POC5: variants seen among roughly 807,000 people sequenced by gnomAD.
POC5 encodes POC5 centriolar protein, also known as centrosomal protein POC5.
POC5 carries 48 observed loss-of-function variants against 62.9 expected under a neutral mutation model. The observed-to-expected ratio is 0.76, with a 90% CI of 0.61 to 0.97. The LOEUF is 0.97. Among genes scored for constraint, POC5 ranks in the 50% least tolerant of loss-of-function variants. The probability of loss-of-function intolerance (pLI) is 0.00; values close to 1 mark genes in which losing one functional copy is unlikely to be tolerated. For synonymous variants in POC5, 236 were observed against 228.2 expected (o/e 1.03, Z -0.31); for missense variants, 696 against 679.5 (o/e 1.02, Z -0.27).
chr5:75,677,621 T>TAAA (rs58777768), intron 11 of POC5, 153 bp downstream of exon 11: 681 of 390,180 alleles, frequency 1.7e-3, no homozygotes, highest in Middle Eastern at 3.6e-3. Context: ...GTATATATAT[T>TAAA]AAAAAAAAAA....
intron 11 of POC5, among the ~76,000 whole-genome samples, chr5:75,675,297 T>C (rs896130028): frequency 1.3e-5 from 2 of 152,218 alleles, no homozygotes; most frequent in African/African-American, 4.8e-5. Flanking sequence ...GGCTTTTCCC[T>C]ATTAAACCCG....
At chr5:75,713,974 C>T (rs1268435277) in intron 1 of POC5, among the ~76,000 whole-genome samples, 2 of 152,178 alleles carry the variant, frequency 1.3e-5, no homozygotes, top group African/African-American at 4.8e-5. Context: ...AAGGTCAAAA[C>T]TTGTCATATT....
chr5:75,715,426 G>A (rs1043248254), intron 1 of POC5, among the ~76,000 whole-genome samples: 1 of 152,076 alleles, frequency 6.6e-6, no homozygotes, highest in Non-Finnish European at 1.5e-5. Context: ...TAAAATCATG[G>A]TAGAAGGGGA....
intron 6 of POC5, among the ~76,000 whole-genome samples, chr5:75,693,683 T>C (rs1374449912): frequency 1.3e-5 from 2 of 152,086 alleles, no homozygotes; most frequent in African/African-American, 2.4e-5. Flanking sequence ...TTTAAAAAAA[T>C]TATAATCTTT....
chr5:75,680,624 G>C (rs569944018), intron 10 of POC5, among the ~76,000 whole-genome samples: 5 of 152,108 alleles, frequency 3.3e-5, no homozygotes, highest in Admixed American at 2.6e-4. Flanking sequence ...TGATGAAAAA[G>C]TTGAAAATGC....
intron 5 of POC5, among the ~76,000 whole-genome samples, 196 bp from the exon 6 acceptor site, chr5:75,695,027 T>C (rs1363620485): frequency 6.6e-6 from 1 of 152,210 alleles, no homozygotes; most frequent in African/African-American, 2.4e-5. Flanking sequence ...TTCATCATAC[T>C]AGGGAAGCTA....
chr5:75,697,741 C>A (rs904024924), intron 5 of POC5, among the ~76,000 whole-genome samples: 6 of 151,836 alleles, frequency 4.0e-5, no homozygotes, highest in Non-Finnish European at 8.8e-5. Flanking sequence ...TGTAAATGGG[C>A]TAAATGCTCC....
intron 1 of POC5, 123 bp from the exon 2 acceptor site, chr5:75,713,074 C>A: frequency 1.4e-6 from 1 of 699,306 alleles, no homozygotes; most frequent in Non-Finnish European, 2.3e-6. Flanking sequence ...TAAAATCATT[C>A]ATTCAACATA....
intron 2 of POC5, among the ~76,000 whole-genome samples, chr5:75,710,626 T>G (rs556880380): frequency 6.6e-6 from 1 of 152,334 alleles, no homozygotes; most frequent in Admixed American, 6.5e-5. Flanking sequence ...CTGACCCTTT[T>G]GGGCTGTGAT....
chr5:75,698,288 C>G (rs568324649), intron 5 of POC5, among the ~76,000 whole-genome samples: 13 of 150,194 alleles, frequency 8.7e-5, no homozygotes, highest in South Asian at 6.5e-4. Context: ...CCACACCACA[C>G]CTATTCCAAA....
In POC5 at chr5:75,677,904, G is replaced by T; in HGVS notation, c.1454C>A (p.Thr485Asn). Reference sequence around the variant, plus strand: ...TCTTCCTGTGATCCGGGCTGTAATAGTTCTTCCTGCTTTCTGTTGTGCAGA... The same window carrying T: ...TCTTCCTGTGATCCGGGCTGTAATATTTCTTCCTGCTTTCTGTTGTGCAGA... Reference protein sequence around the residue: ...VTSAQQKAGRTITARITGRCD... With the variant: ...VTSAQQKAGRNITARITGRCD... Residue 485 changes from threonine (T) to asparagine (N), a missense_variant, in exon 11 of 12, where the codon ACT (threonine) becomes AAT (asparagine). By Grantham distance (65) the Thr-to-Asn change is moderately conservative. Coordinates refer to ENST00000428202, the MANE Select transcript of POC5 (RefSeq NM_001099271.2). The T allele has an allele frequency of 6.2e-7, 1 of 1,610,100 alleles. No individual in the cohort carries two copies. The highest frequency in any genetic ancestry group is 1.3e-5 in the African/African-American group (1 of 74,716).
At chr5:75,690,236 CATTAA>C in intron 8 of POC5, 142 bp downstream of exon 8, 1 of 799,134 alleles carries the variant, frequency 1.3e-6, no homozygotes, top group South Asian at 2.1e-5. Flanking sequence ...ATACAATAAA[CATTAA>C]ATTAACACAA....
At chr5:75,703,859 A>G (rs1443803000) in intron 4 of POC5, among the ~76,000 whole-genome samples, 1 of 151,814 alleles carries the variant, frequency 6.6e-6, no homozygotes, top group Non-Finnish European at 1.5e-5. Flanking sequence ...ATCTATTTCT[A>G]AAAAAGCACT....
At chr5:75,714,792 C>CTGAGG (rs1777482966) in intron 1 of POC5, among the ~76,000 whole-genome samples, 1 of 152,018 alleles carries the variant, frequency 6.6e-6, no homozygotes, top group Non-Finnish European at 1.5e-5. Flanking sequence ...GTGCGCTACT[C>CTGAGG]CAAGAACTGC....
intron 10 of POC5, among the ~76,000 whole-genome samples, chr5:75,682,020 T>C (rs166183): frequency 0.75 from 114,508 of 151,778 alleles, 43,397 homozygotes; most frequent in East Asian, 0.87. Flanking sequence ...TACTTAGAGA[T>C]AGATTTAATT....
At chr5:75,708,976 G>A (rs1444491152) in intron 2 of POC5, among the ~76,000 whole-genome samples, 1 of 152,102 alleles carries the variant, frequency 6.6e-6, no homozygotes, top group Admixed American at 6.5e-5. Flanking sequence ...GGAATTACAG[G>A]TTTGTACCAC....
chr5:75,682,364 T>C (rs1158998655), intron 10 of POC5, among the ~76,000 whole-genome samples: 4 of 152,202 alleles, frequency 2.6e-5, no homozygotes, highest in African/African-American at 9.7e-5. Flanking sequence ...GTTAACTGCA[T>C]ATGCAAGATG....
At chr5:75,677,389 T>C (rs1156666322) in intron 11 of POC5, 2 of 153,098 alleles carry the variant, frequency 1.3e-5, no homozygotes, top group East Asian at 1.9e-4. Context: ...AGGGGAGTTT[T>C]CTTGTAATCA....
chr5:75,706,392 A>G (rs1777122184), intron 3 of POC5, among the ~76,000 whole-genome samples: 1 of 152,206 alleles, frequency 6.6e-6, no homozygotes, highest in Non-Finnish European at 1.5e-5. Flanking sequence ...TCTACTTGTG[A>G]ATCAAGATGA....
Sources: allele counts gnomAD v4.1 joint callset (sites outside exome capture counted in the v4.1 genomes callset), GRCh38; gene constraint gnomAD v4.1.1; transcripts MANE v1.5; gene names NCBI Gene and HGNC (gene_info 2026-07-23, HGNC 2026-07-21).